Variants in TNXB observed in about 807,000 individuals in gnomAD.
TNXB encodes the protein tenascin-X.
In TNXB, 183 loss-of-function variants were observed where a neutral mutation model predicts 340.5. That is an observed-to-expected ratio of 0.54 (90% confidence interval 0.48 to 0.61). The LOEUF is 0.61. Among genes scored for constraint, TNXB ranks in the 20% least tolerant of loss-of-function variants. The probability of loss-of-function intolerance (pLI) is 0.00; values close to 1 mark genes in which losing one functional copy is unlikely to be tolerated. For synonymous variants in TNXB, 2,121 were observed against 2,314.5 expected, an observed-to-expected ratio of 0.92 and a Z score of 2.40; for missense variants, 4,613 against 5,446.4, an observed-to-expected ratio of 0.85 and a Z score of 4.82.
Position 32,079,108 on chromosome 6 carries a change from GC to G in TNXB, c.4299del (p.His1434ThrfsTer24). Reference protein sequence around the residue: ...SEVTVGGLEPGHKYKMHLYGL... With the variant: ...SEVTVGGLEPXHKYKMHLYGL... The stretch of plus-strand genomic sequence containing the variant: ...CCGTACAGGTGCATCTTGTACTTGT[GC>G]CCGGGCTCTAGGCCTCCCACGGTGA... On this transcript the variant is annotated frameshift_variant, in exon 11 of 44. Transcript: ENST00000644971. LOFTEE classifies it high-confidence loss of function. This position sits in a 1 kb window ranked among gnomAD's most constrained non-coding sequence, Gnocchi z 7.1. The G allele has an allele frequency of 1.2e-6, 2 of 1,613,746 alleles. No individual in the cohort carries two copies. Among genetic ancestry groups the G allele is most frequent in the Non-Finnish European group, 1.7e-6 (2 of 1,179,874 alleles).
chr6:32,059,752 G>A (rs575702510), intron 21 of TNXB, among the ~76,000 whole-genome samples: 1 of 152,116 alleles, frequency 6.6e-6, no homozygotes, highest in Non-Finnish European at 1.5e-5. Context: ...CGGGGATGCC[G>A]ATTGAGAGTG....
In TNXB at chr6:32,085,433, C is replaced by A. The variant is rs1164894806; in HGVS notation, c.3148+317G>T. On this transcript the variant is annotated intron_variant, in intron 7 of 43. Coordinates refer to ENST00000644971, the MANE Select transcript of TNXB (RefSeq NM_001365276.2). The surrounding 1 kb of genome is among the most constrained non-coding windows in gnomAD (Gnocchi z 6.4). ...GCAACCGAAGAGTGGGGGCAGGGGACAGGGCAAGGAAAGCTGCAGGTGGAG... is the reference window on the plus strand; with the variant it reads ...GCAACCGAAGAGTGGGGGCAGGGGAAAGGGCAAGGAAAGCTGCAGGTGGAG... 6.6e-6 allele frequency among the ~76,000 whole-genome samples: 1 copy of A among 152,100 alleles called. No individual in the cohort carries two copies. Among genetic ancestry groups the A allele is most frequent in the Non-Finnish European group, 1.5e-5 (1 of 68,016 alleles).
chr6:32,069,737 G>C lies in TNXB; in HGVS notation c.5403C>G (p.Gly1801=). Residue 1801 remains glycine (G), a synonymous_variant, in exon 15 of 44, where the codon GGC becomes GGG. Coordinates refer to ENST00000644971, the MANE Select transcript of TNXB (RefSeq NM_001365276.2). This position sits in a 1 kb window ranked among gnomAD's most constrained non-coding sequence, Gnocchi z 6.2. The part of the protein sequence containing the change: ...SVGLSWTVPE[G]QFDSFVVQYK... ...ACTGGACCACAAAGGAGTCAAACTG[G>C]CCCTCAGGGACTGTCCAGGAGAGGC... 6.2e-7 allele frequency: 1 copy of C among 1,612,966 alleles called. No homozygotes were observed. The highest frequency in any genetic ancestry group is 8.5e-7 in the Non-Finnish European group (1 of 1,179,600).
chr6:32,092,707 A>G (rs1273106844), intron 4 of TNXB, among the ~76,000 whole-genome samples: 4 of 149,878 alleles, frequency 2.7e-5, no homozygotes, highest in Non-Finnish European at 6.0e-5. Flanking sequence ...AAAAAAAAAG[A>G]AAGAAAGAAA....
At position 32,109,206 on chromosome 6, in the gene TNXB, C is replaced by T. The variant is rs1781118366; in HGVS notation, c.-34G>A. On this transcript the variant is annotated 5_prime_UTR_variant, in exon 1 of 44. Coordinates refer to ENST00000644971, the MANE Select transcript of TNXB (RefSeq NM_001365276.2). Reference sequence around the variant, plus strand: ...CTGGGCAACCGAGCAGCTGCAGTGCCTCTGCACCTGCTCTGTCCCCAACCC... The same window carrying T: ...CTGGGCAACCGAGCAGCTGCAGTGCTTCTGCACCTGCTCTGTCCCCAACCC... 1 of 152,416 alleles carries T rather than the reference C, an allele frequency of 6.6e-6. No individual in the cohort carries two copies. The highest frequency in any genetic ancestry group is 6.5e-5 in the Admixed American group (1 of 15,290). The allele number at this position is 152,416 out of a possible 1,614,324, so 9.4% of individuals were successfully genotyped here.
In TNXB at chr6:32,081,541, G is replaced by A; in HGVS notation, c.3869C>T (p.Ser1290Leu). Residue 1290 changes from serine to leucine, a missense_variant, in exon 10 of 44, where the codon TCA (serine) becomes TTA (leucine). By Grantham distance (145) the Ser-to-Leu change is moderately radical. This residue lies in a region of TNXB where 4,327 missense variants were observed against 4,859.4 expected (regional missense o/e 0.89). Transcript: ENST00000644971. The surrounding 1 kb of genome is among the most constrained non-coding windows in gnomAD (Gnocchi z 5.1). ...TGCATCCTTGTACTGGACCATGAAT[G>A]AGTCGAAGGGGCCCTGGGCCACTGT... is the stretch of plus-strand genomic sequence containing the variant. ...SWTVAQGPFD[S>L]FMVQYKDAQG... 6.2e-7 allele frequency: 1 copy of A among 1,605,646 alleles called. No individual in the cohort carries two copies.
rs1776898048 is a variant in TNXB, at chr6:32,046,521, C to G, written c.10325-65G>C. ...GCCTTTGCCTAAGCCCTGGCAGCCT[C>G]CCGGAGGTGTGAGGTTCTGGGAAAT... On this transcript the variant is annotated intron_variant, in intron 30 of 43. Transcript: ENST00000644971. The surrounding 1 kb of genome is among the most constrained non-coding windows in gnomAD (Gnocchi z 6.9). 2.1e-6 allele frequency: 3 copies of G among 1,421,468 alleles called. No individual in the cohort carries two copies. Among genetic ancestry groups the G allele is most frequent in the Admixed American group, 4.8e-5 (2 of 41,820 alleles). 88.1% of individuals were successfully genotyped at this position (1,421,468 alleles called of 1,614,324 possible). A position where few individuals can be genotyped will look rare whatever the true frequency, so the allele number is the denominator to read the frequency against.
rs1779892714 is a variant in TNXB at position 32,087,970 on chromosome 6, G to T, written c.2779+815C>A. ...GGGCGGGGCTGGGGGGCGCACCTCCGGGTAACTGTAGTGGCCTGGTGCTGC... is the reference window on the plus strand; with the variant it reads ...GGGCGGGGCTGGGGGGCGCACCTCCTGGTAACTGTAGTGGCCTGGTGCTGC... On this transcript the variant is annotated intron_variant, in intron 6 of 43. Transcript: ENST00000644971. This position sits in a 1 kb window ranked among gnomAD's most constrained non-coding sequence, Gnocchi z 9.0. 6.4e-6 allele frequency: 2 copies of T among 311,328 alleles called. No homozygotes were observed. The highest frequency in any genetic ancestry group is 1.3e-5 in the Non-Finnish European group (2 of 159,912). 19.3% of individuals were successfully genotyped at this position (311,328 alleles called of 1,614,324 possible).
At chr6:32,043,973 A>G (rs1776646639) in intron 34 of TNXB, 34 bp downstream of exon 34, 2 of 1,606,336 alleles carry the variant, frequency 1.2e-6, no homozygotes, top group African/African-American at 1.4e-5. Context: ...GGGAGAGGAA[A>G]TGCGAGGCGA....
chr6:32,098,820 C>T (rs1477047143), intron 1 of TNXB, among the ~76,000 whole-genome samples: 1 of 152,188 alleles, frequency 6.6e-6, no homozygotes, highest in Non-Finnish European at 1.5e-5. Flanking sequence ...ACTACAAGCT[C>T]TCACTACTCC....
chr6:32,103,666 T>C (rs1288727091), intron 1 of TNXB, among the ~76,000 whole-genome samples: 1 of 152,012 alleles, frequency 6.6e-6, no homozygotes, highest in Non-Finnish European at 1.5e-5. Flanking sequence ...TAAGGGACAT[T>C]TGTCTTCATC....
intron 11 of TNXB, among the ~76,000 whole-genome samples, chr6:32,077,341 G>A (rs994116381): frequency 1.3e-5 from 2 of 152,254 alleles, no homozygotes; most frequent in African/African-American, 4.8e-5. Flanking sequence ...TAAATTGAGG[G>A]TGGAAGGTTC....
chr6:32,079,147 T>C lies in TNXB; in HGVS notation c.4261A>G (p.Lys1421Glu), dbSNP rs6920695. The C allele has an allele frequency of 6.2e-7, 1 of 1,613,842 alleles. No homozygotes were observed. The highest frequency in any genetic ancestry group is 1.7e-5 in the Admixed American group (1 of 60,028). Residue 1421 changes from lysine to glutamate, a missense_variant, in exon 11 of 44, where the codon AAG becomes GAG. By Grantham distance (56) the Lys-to-Glu change is moderately conservative. Transcript: ENST00000644971. This position sits in a 1 kb window ranked among gnomAD's most constrained non-coding sequence, Gnocchi z 7.1. ...GRPRAVRVGG[K>E]ESEVTVGGLE... Reference sequence around the variant, plus strand: ...CCTCCCACGGTGACCTCACTCTCCTTGCCCCCAACACGCACCGCCCGGGGC... The same window carrying C: ...CCTCCCACGGTGACCTCACTCTCCTCGCCCCCAACACGCACCGCCCGGGGC...
At position 32,069,781 on chromosome 6, in the gene TNXB, C is replaced by T. The variant is rs548921928; in HGVS notation, c.5359G>A (p.Val1787Met). 53 of 1,610,200 alleles carry T rather than the reference C, an allele frequency of 3.3e-5. No individual in the cohort carries two copies. The highest frequency in any genetic ancestry group is 1.9e-4 in the South Asian group (17 of 90,370). The change falls in exon 15 of 44, where the codon GTG becomes ATG. Residue 1787 changes from valine to methionine, a missense_variant. Around this residue, in one of 7 missense-constraint regions of TNXB, gnomAD observed 4,327 missense variants for 4,859.4 expected, o/e 0.89. Coordinates refer to ENST00000644971, the MANE Select transcript of TNXB (RefSeq NM_001365276.2). This position sits in a 1 kb window ranked among gnomAD's most constrained non-coding sequence, Gnocchi z 6.2. ...GAGAGGCCCACGGAGTTCTGGGTCA[C>T]GGTGGTCACCTGCAGCTCCTCCCCC... The part of the protein sequence containing the change: ...RLGEELQVTT[V>M]TQNSVGLSWT...
chr6:32,068,486 T>C lies in TNXB; in HGVS notation c.6124A>G (p.Ile2042Val), dbSNP rs768176668. 3 of 1,613,864 alleles carry C rather than the reference T, an allele frequency of 1.9e-6. No homozygotes were observed. Among genetic ancestry groups the C allele is most frequent in the Non-Finnish European group, 1.7e-6 (2 of 1,179,892 alleles). ...TTATGGTCTGGCTCCAGGCCCGAGA[T>C]GGTGACCCCTTCCTCGTGCCCTGGC... ...RVPGHEEGVT[I>V]SGLEPDHKYK... Residue 2042 changes from isoleucine to valine, a missense_variant, in exon 17 of 44, where the codon ATC becomes GTC. Ile to Val is a conservative substitution (Grantham distance 29, BLOSUM62 3). Coordinates refer to ENST00000644971, the MANE Select transcript of TNXB (RefSeq NM_001365276.2). This position sits in a 1 kb window ranked among gnomAD's most constrained non-coding sequence, Gnocchi z 5.3.
Position 32,050,101 on chromosome 6 carries a change from C to T in TNXB, c.9336G>A (p.Gly3112=), listed in dbSNP as rs1777178226. Residue 3112 remains glycine, a synonymous_variant, in exon 27 of 44, where the codon GGG becomes GGA. Coordinates refer to ENST00000644971, the MANE Select transcript of TNXB (RefSeq NM_001365276.2). ...KAVRVPGHED[G]VTISGLEPDH... is the part of the protein sequence containing the mutation. ...CTGGCTCCAGGCCTGAGATGGTGAC[C>T]CCGTCCTCGTGCCCCGGCACCCGCA... The T allele has an allele frequency of 6.2e-7, 1 of 1,613,620 alleles. No homozygotes were observed. Among genetic ancestry groups the T allele is most frequent in the African/African-American group, 1.3e-5 (1 of 74,934 alleles).
At chr6:32,078,906 C>T (rs1779266977) in intron 11 of TNXB, 127 bp downstream of exon 11, 1 of 1,025,570 alleles carries the variant, frequency 9.8e-7, no homozygotes. Context: ...CAGTGACATG[C>T]TCTTTCTAGG....
At position 32,058,900 on chromosome 6, in the gene TNXB, G is replaced by A. The variant is rs531192910; in HGVS notation, c.7493-510C>T. ...TAGCCGTGAGGTGAATGATTACAAT[G>A]TACTTGTGTACAAAAAAGGAAGTGC... On this transcript the variant is annotated intron_variant, in intron 21 of 43. Transcript: ENST00000644971. The surrounding 1 kb of genome is among the most constrained non-coding windows in gnomAD (Gnocchi z 5.1). Among the ~76,000 whole-genome samples the A allele has an allele frequency of 1.3e-5, 2 of 151,978 alleles. No individual in the cohort carries two copies. The highest frequency in any genetic ancestry group is 1.3e-4 in the Admixed American group (2 of 15,290).
rs766668761 is a variant in TNXB, at chr6:32,043,813, C to T, written c.11466G>A (p.Glu3822=). The T allele has an allele frequency of 5.0e-6, 8 of 1,613,630 alleles. No individual in the cohort carries two copies. The Admixed American group carries it at 5.0e-5, about 10-fold the overall frequency. ...LQGLIPGARY[E]VTVVSVRGFE... Reference sequence around the variant, plus strand: ...AGCCTCGGACCGAGACCACGGTCACCTCATAGCGAGCGCCTGGGATCAGCC... The same window carrying T: ...AGCCTCGGACCGAGACCACGGTCACTTCATAGCGAGCGCCTGGGATCAGCC... Residue 3822 remains glutamate (E), a synonymous_variant, in exon 35 of 44, where the codon GAG becomes GAA. Transcript: ENST00000644971.
Sources: allele counts gnomAD v4.1 joint callset (sites outside exome capture counted in the v4.1 genomes callset), GRCh38; gene constraint gnomAD v4.1.1; regional missense constraint gnomAD v4.1.1; non-coding constraint Gnocchi (gnomAD v3.1); transcripts MANE v1.5; gene names NCBI Gene and HGNC (gene_info 2026-07-23, HGNC 2026-07-21).